The following DPP10 variants were observed in gnomAD, a reference collection of about 807,000 sequenced individuals.
DPP10 encodes dipeptidyl peptidase like 10, also known as inactive dipeptidyl peptidase 10.
DPP10 carries 33 observed loss-of-function variants against 120.9 expected under a neutral mutation model. That is an observed-to-expected ratio of 0.27 (90% CI 0.21 to 0.37). The LOEUF is 0.37. DPP10 is among the 10% of genes least tolerant of loss of function. The pLI is 1.00. For missense variants in DPP10, 816 were observed against 942.8 expected (o/e 0.87, Z 1.76); for synonymous variants, 337 against 326.1 (o/e 1.03, Z -0.36).
At chr2:115,838,936 A>C (rs1689808244) in intron 24 of DPP10, among the ~76,000 whole-genome samples, 1 of 152,204 alleles carries the variant, frequency 6.6e-6, no homozygotes, top group Non-Finnish European at 1.5e-5. Flanking sequence ...GAATTCAATC[A>C]CCCAGTCAAA....
chr2:115,735,928 G>A (rs1234964434), intron 8 of DPP10, among the ~76,000 whole-genome samples: 7 of 152,032 alleles, frequency 4.6e-5, no homozygotes, highest in Non-Finnish European at 8.8e-5. Flanking sequence ...AGTTCCAAAT[G>A]TATTTCTCCT....
intron 5 of DPP10, among the ~76,000 whole-genome samples, chr2:115,648,231 A>G (rs72947996): frequency 0.018 from 2,717 of 152,174 alleles, 87 homozygotes; most frequent in African/African-American, 0.062. Context: ...TCATAGAAGC[A>G]GAGTAGAATC....
chr2:114,546,171 A>C (rs764192463), intron 1 of DPP10, among the ~76,000 whole-genome samples: 10 of 152,052 alleles, frequency 6.6e-5, no homozygotes, highest in Admixed American at 2.6e-4. Context: ...ATTAAAAAAA[A>C]AGAGTTGTAA....
intron 1 of DPP10, among the ~76,000 whole-genome samples, chr2:114,650,685 G>GGCAA (rs143953788): frequency 0.098 from 14,886 of 152,022 alleles, 2,431 homozygotes; most frequent in African/African-American, 0.34. Context: ...AGCATAATCA[G>GGCAA]GCAAGGAGTC....
intron 1 of DPP10, among the ~76,000 whole-genome samples, chr2:114,721,157 G>A (rs1701682202): frequency 6.6e-6 from 1 of 152,200 alleles, no homozygotes; most frequent in Non-Finnish European, 1.5e-5. Context: ...GCATCTAAAT[G>A]AAGAAATTGG....
chr2:115,061,598 A>C (rs1471516806), intron 1 of DPP10, among the ~76,000 whole-genome samples: 1 of 152,244 alleles, frequency 6.6e-6, no homozygotes, highest in Non-Finnish European at 1.5e-5. Context: ...CACAGTGTTT[A>C]TAATTGGGAA....
chr2:114,709,347 C>G (rs188550929), intron 1 of DPP10, among the ~76,000 whole-genome samples: 10 of 152,158 alleles, frequency 6.6e-5, no homozygotes, highest in African/African-American at 1.9e-4. Flanking sequence ...GTGGAAGCAG[C>G]CTTCTGCTAT....
intron 1 of DPP10, among the ~76,000 whole-genome samples, chr2:114,716,965 C>T (rs1279849790): frequency 6.6e-6 from 1 of 152,104 alleles, no homozygotes; most frequent in Non-Finnish European, 1.5e-5. Context: ...AGCTTTAAAA[C>T]AAAGAAACAA....
chr2:114,994,999 C>T (rs1457009875), intron 1 of DPP10, among the ~76,000 whole-genome samples: 2 of 152,206 alleles, frequency 1.3e-5, no homozygotes, highest in East Asian at 1.9e-4. Context: ...GGTGTCTGGC[C>T]GTTTTGACGC....
At chr2:115,405,682 C>T (rs576843849) in intron 3 of DPP10, among the ~76,000 whole-genome samples, 6 of 152,306 alleles carry the variant, frequency 3.9e-5, no homozygotes, top group Admixed American at 6.5e-5. Flanking sequence ...TGCCTGCATG[C>T]GGAATTAGCA....
At chr2:115,370,750 C>A (rs1392617802) in intron 3 of DPP10, among the ~76,000 whole-genome samples, 1 of 151,948 alleles carries the variant, frequency 6.6e-6, no homozygotes, top group African/African-American at 2.4e-5. Context: ...ATCAGAATCA[C>A]CTGGTGGATT....
At chr2:115,395,507 A>G (rs1161167036) in intron 3 of DPP10, among the ~76,000 whole-genome samples, 4 of 151,994 alleles carry the variant, frequency 2.6e-5, no homozygotes, top group Non-Finnish European at 5.9e-5. Flanking sequence ...CTTATTACCA[A>G]CTCAAAAACA....
intron 1 of DPP10, among the ~76,000 whole-genome samples, chr2:114,933,398 C>CACCAGCTACATGAACTGGTGATG (rs1164371188): frequency 3.9e-5 from 6 of 152,210 alleles, no homozygotes; most frequent in Non-Finnish European, 8.8e-5. Flanking sequence ...CATGAGCCAT[C>CACCAGCTACATGAACTGGTGATG]ACCAGTTCAT....
intron 1 of DPP10, among the ~76,000 whole-genome samples, chr2:114,962,787 A>G (rs1261012478): frequency 1.3e-5 from 2 of 152,190 alleles, no homozygotes; most frequent in East Asian, 1.9e-4. Flanking sequence ...GTTGGGTACT[A>G]TTGTTGAGCC....
Position 115,445,775 on chromosome 2 carries a change from A to G in DPP10, c.272-53735A>G, listed in dbSNP as rs571744405. On this transcript the variant is annotated intron_variant, in intron 3 of 25. Transcript: ENST00000410059. ...ATTCAAGCTAGCTGCAGAAATTTGC[A>G]TAAGTAATGAGGAGCTGAATGTTAA... 7.2e-5 allele frequency among the ~76,000 whole-genome samples: 11 copies of G among 152,362 alleles called. 1 individual carries two copies. The South Asian group carries it at 1.7e-3, about 23-fold the overall frequency.
chr2:115,090,907 C>T (rs947234996), intron 1 of DPP10, among the ~76,000 whole-genome samples: 2 of 152,022 alleles, frequency 1.3e-5, no homozygotes, highest in Non-Finnish European at 2.9e-5. Flanking sequence ...TGTTTCTGGT[C>T]GGAGATGTCA....
At chr2:115,237,972 C>T (rs1574116680) in intron 1 of DPP10, among the ~76,000 whole-genome samples, 1 of 152,154 alleles carries the variant, frequency 6.6e-6, no homozygotes, top group Admixed American at 6.6e-5. Flanking sequence ...AACCGGTTAT[C>T]CAGAAGATGT....
chr2:115,255,591 G>A (rs531748160), intron 1 of DPP10, among the ~76,000 whole-genome samples: 12 of 152,022 alleles, frequency 7.9e-5, no homozygotes, highest in Admixed American at 6.6e-5. Context: ...AAACTTTTAC[G>A]CTCTGCTTCC....
rs567256730 is a variant in DPP10, at chr2:115,565,007, C to G, written c.441+39035C>G. The stretch of plus-strand genomic sequence containing the variant: ...GAGTGATTACTGGAGTTTCTATATT[C>G]TGGCACCAACTGGCCTTCTTATTTC... On this transcript the variant is annotated intron_variant, in intron 5 of 25. Coordinates refer to ENST00000410059, the MANE Select transcript of DPP10 (RefSeq NM_020868.6). Among the ~76,000 whole-genome samples, 24 of 152,026 alleles carry G rather than the reference C, an allele frequency of 1.6e-4. 1 individual carries two copies. The highest frequency in any genetic ancestry group is 4.1e-4 in the South Asian group (2 of 4,820).
Sources: gnomAD v4.1 joint callset for allele counts (sites outside exome capture counted in the v4.1 genomes callset) on GRCh38, gnomAD v4.1.1 for gene constraint, MANE v1.5 for transcripts, NCBI Gene and HGNC (gene_info 2026-07-23, HGNC 2026-07-21) for gene names.